Variants in RWDD3 observed in about 807,000 individuals in gnomAD.
The protein encoded by RWDD3 is RWD domain-containing protein 3.
RWDD3 carries 30 observed loss-of-function variants against 26.5 expected under a neutral mutation model. The observed-to-expected ratio is 1.13, with a 90% CI of 0.85 to 1.54. The LOEUF (loss-of-function observed/expected upper bound fraction) is 1.54. RWDD3 is among the 40% of genes most tolerant of loss of function. The pLI, the probability that RWDD3 is intolerant of heterozygous loss-of-function variation, is 0.00. For synonymous variants in RWDD3, 113 were observed against 114.5 expected (o/e 0.99, Z 0.09); for missense variants, 296 against 309.1 (o/e 0.96, Z 0.32).
In RWDD3 at chr1:95,234,302, G is replaced by T. The variant is rs1680183785; in HGVS notation, c.72G>T (p.Val24=). Residue 24 remains valine (V), a synonymous_variant, in exon 1 of 4, where the codon GTG becomes GTT. Transcript: ENST00000370202. ...TCTGCAGGCCCCACGAGTGGGAGGT[G>T]CTGAGCCGCTCAGGTGACTACCCGC... ...AIFCRPHEWE[V]LSRSETDGTV... is the part of the protein sequence containing the mutation. 3 of 1,595,044 alleles carry T rather than the reference G, an allele frequency of 1.9e-6. No individual in the cohort carries two copies. The East Asian group carries it at 6.8e-5, about 36-fold the overall frequency.
At chr1:95,244,062 C>G in intron 1 of RWDD3, 149 bp from the exon 2 acceptor site, 1 of 1,197,688 alleles carries the variant, frequency 8.3e-7, no homozygotes, top group Non-Finnish European at 1.1e-6. Flanking sequence ...TAAATCATAG[C>G]TTTCCTAGTA....
chr1:95,236,252 G>A (rs1320315000), intron 1 of RWDD3, among the ~76,000 whole-genome samples: 1 of 151,992 alleles, frequency 6.6e-6, no homozygotes, highest in East Asian at 1.9e-4. Flanking sequence ...CTTGAACCCG[G>A]GAGGCGGAGG....
rs1680762967 is a variant in RWDD3 at position 95,244,432 on chromosome 1, C to T, written c.307C>T (p.Leu103=). Residue 103 remains leucine, a synonymous_variant, in exon 2 of 4, where the codon CTG becomes TTG. Coordinates refer to ENST00000370202, the MANE Select transcript of RWDD3 (RefSeq NM_015485.5). Reference sequence around the variant, plus strand: ...TTTGTCGGAGCCTATGGTTCATGAGCTGGTTCTCTGGATTCAGCAGAATCT... The same window carrying T: ...TTTGTCGGAGCCTATGGTTCATGAGTTGGTTCTCTGGATTCAGCAGAATCT... ...SLLSEPMVHE[L]VLWIQQNLRH... is the part of the protein sequence containing the mutation. The T allele has an allele frequency of 6.2e-7, 1 of 1,614,194 alleles. No homozygotes were observed. The highest frequency in any genetic ancestry group is 1.3e-5 in the African/African-American group (1 of 75,058).
intron 1 of RWDD3, among the ~76,000 whole-genome samples, chr1:95,234,855 CAACTTT>C (rs1680230653): frequency 6.6e-6 from 1 of 151,858 alleles, no homozygotes; most frequent in African/African-American, 2.4e-5. Context: ...TGCTCAACCT[CAACTTT>C]ATCTGCATTC....
At chr1:95,244,172 A>G (rs759900737) in intron 1 of RWDD3, 39 bp from the exon 2 acceptor site, 1 of 1,583,470 alleles carries the variant, frequency 6.3e-7, no homozygotes, top group Non-Finnish European at 8.6e-7. Flanking sequence ...TTCAAATTGA[A>G]TAATGTACAG....
intron 1 of RWDD3, among the ~76,000 whole-genome samples, chr1:95,235,357 T>TTTTC (rs1680282397): frequency 1.1e-5 from 1 of 93,988 alleles, no homozygotes; most frequent in Non-Finnish European, 2.1e-5. Context: ...CGGCCTTTTT[T>TTTTC]TTTTTTTTTT....
Position 95,244,685 on chromosome 1 carries a change from GA to G in RWDD3, c.563del (p.Asn188ThrfsTer7). The G allele has an allele frequency of 6.2e-7, 1 of 1,612,914 alleles. No individual in the cohort carries two copies. Among genetic ancestry groups the G allele is most frequent in the Non-Finnish European group, 8.5e-7 (1 of 1,179,642 alleles). ...ATACTGATTTTACTACAGGGAGACA[GA>G]AACAACCTCAAGGTGCCAAAAAGTT... The part of the protein sequence containing the change: ...KIILILLQGD[R>X]NNLKEYLILQ... On this transcript the variant is annotated frameshift_variant, in exon 2 of 4. Coordinates refer to ENST00000370202, the MANE Select transcript of RWDD3 (RefSeq NM_015485.5). LOFTEE classifies it high-confidence loss of function.
At chr1:95,242,897 C>T (rs907214493) in intron 1 of RWDD3, among the ~76,000 whole-genome samples, 124 of 149,834 alleles carry the variant, frequency 8.3e-4, no homozygotes, top group African/African-American at 3.0e-3. Context: ...CCAGCCTGGG[C>T]GACAGAGTGA....
intron 1 of RWDD3, among the ~76,000 whole-genome samples, chr1:95,242,689 C>T (rs1454327514): frequency 2.0e-5 from 3 of 152,066 alleles, no homozygotes; most frequent in South Asian, 2.1e-4. Context: ...GAGGCCAAGG[C>T]GGGTGGTTCA....
chr1:95,235,780 C>A (rs1207971918), intron 1 of RWDD3, among the ~76,000 whole-genome samples: 2 of 151,930 alleles, frequency 1.3e-5, no homozygotes, highest in African/African-American at 4.8e-5. Flanking sequence ...CCCATGGCCT[C>A]TAGGAGCTTA....
chr1:95,244,678 G>A lies in RWDD3; in HGVS notation c.553G>A (p.Gly185Arg). 1 of 1,613,286 alleles carries A rather than the reference G, an allele frequency of 6.2e-7. No individual in the cohort carries two copies. ...MGKIILILLQGDRNNLKEYLI... is the reference protein window; with the variant it reads ...MGKIILILLQRDRNNLKEYLI... ...TAAAATAATACTGATTTTACTACAG[G>A]GAGACAGAAACAACCTCAAGGTGCC... The change falls in exon 2 of 4, where the codon GGA becomes AGA. Residue 185 changes from glycine to arginine, a missense_variant. Coordinates refer to ENST00000370202, the MANE Select transcript of RWDD3 (RefSeq NM_015485.5).
chr1:95,235,315 G>C (rs989887090), intron 1 of RWDD3, among the ~76,000 whole-genome samples: 2 of 143,056 alleles, frequency 1.4e-5, no homozygotes, highest in Non-Finnish European at 3.0e-5. Flanking sequence ...GCCTCCGAAA[G>C]TGCTGGGATT....
chr1:95,234,239 G>C lies in RWDD3; in HGVS notation c.9G>C (p.Glu3Asp), dbSNP rs750598164. 14 of 1,590,634 alleles carry C rather than the reference G, an allele frequency of 8.8e-6. No individual in the cohort carries two copies. The highest frequency in any genetic ancestry group is 1.2e-5 in the Non-Finnish European group (14 of 1,169,124). The change falls in exon 1 of 4, where the codon GAG (glutamate) becomes GAC (aspartate). Residue 3 changes from glutamate to aspartate, a missense_variant. Physicochemically the swap from Glu to Asp is conservative, Grantham distance 45. Transcript: ENST00000370202. MA[E>D]PVQEELSVLA... The stretch of plus-strand genomic sequence containing the variant: ...CGGTGGGGCCCACAGCCATGGCGGA[G>C]CCTGTGCAGGAGGAGCTCTCGGTCC...
At chr1:95,240,403 A>G (rs1335492924) in intron 1 of RWDD3, among the ~76,000 whole-genome samples, 1 of 152,238 alleles carries the variant, frequency 6.6e-6, no homozygotes, top group African/African-American at 2.4e-5. Flanking sequence ...TAGTTTAACC[A>G]CAATAATTCT....
At chr1:95,237,899 A>G (rs1680431714) in intron 1 of RWDD3, among the ~76,000 whole-genome samples, 1 of 152,262 alleles carries the variant, frequency 6.6e-6, no homozygotes, top group Non-Finnish European at 1.5e-5. Context: ...GGGCTGTTGC[A>G]TCAGGAAAAT....
intron 1 of RWDD3, among the ~76,000 whole-genome samples, chr1:95,240,564 AC>A (rs1237170372): frequency 2.0e-5 from 3 of 152,120 alleles, no homozygotes; most frequent in African/African-American, 7.2e-5. Flanking sequence ...GAGATGGGAC[AC>A]CCAAGACTGA....
intron 1 of RWDD3, among the ~76,000 whole-genome samples, chr1:95,243,717 A>T (rs1295134896): frequency 4.6e-5 from 7 of 152,226 alleles, no homozygotes; most frequent in Non-Finnish European, 7.3e-5. Context: ...TGCAGTCATC[A>T]GTTTCTCTGC....
intron 1 of RWDD3, among the ~76,000 whole-genome samples, chr1:95,242,411 G>C (rs1680668698): frequency 6.6e-6 from 1 of 152,146 alleles, no homozygotes; most frequent in East Asian, 1.9e-4. Context: ...TTCAGTGAAT[G>C]CTTGTTCAAT....
chr1:95,246,436 G>C, intron 2 of RWDD3, 106 bp from the exon 3 acceptor site: 1 of 591,052 alleles, frequency 1.7e-6, no homozygotes, highest in Non-Finnish European at 3.0e-6. Context: ...TTTAAAAAGG[G>C]GGTATTTAAG....
Sources: gnomAD v4.1 joint callset for allele counts (sites outside exome capture counted in the v4.1 genomes callset) on GRCh38, gnomAD v4.1.1 for gene constraint, MANE v1.5 for transcripts, NCBI Gene and HGNC (gene_info 2026-07-23, HGNC 2026-07-21) for gene names.